CTNNA2: variants seen among roughly 807,000 people sequenced by gnomAD.
CTNNA2 encodes the protein catenin alpha 2.
CTNNA2 carries 42 observed loss-of-function variants against 101.0 expected under a neutral mutation model. The observed-to-expected ratio is 0.42, with a 90% CI of 0.32 to 0.54. The LOEUF is 0.54. CTNNA2 is among the 20% of genes least tolerant of loss of function. The pLI, the probability that CTNNA2 is intolerant of heterozygous loss-of-function variation, is 0.14. For synonymous variants in CTNNA2, 450 were observed against 456.4 expected (o/e 0.99, Z 0.18); for missense variants, 871 against 1,223.1 (o/e 0.71, Z 4.29).
intron 2 of CTNNA2, among the ~76,000 whole-genome samples, chr2:79,287,694 T>G (rs1675648513): frequency 6.6e-6 from 1 of 152,078 alleles, no homozygotes; most frequent in Non-Finnish European, 1.5e-5. Flanking sequence ...GTTACTGCTG[T>G]CTTTTTGTTT....
At chr2:79,238,381 A>G (rs1674583464) in intron 2 of CTNNA2, among the ~76,000 whole-genome samples, 1 of 152,218 alleles carries the variant, frequency 6.6e-6, no homozygotes, top group Admixed American at 6.5e-5. Context: ...ATGAAAGACT[A>G]TTGATCACAG....
intron 3 of CTNNA2, among the ~76,000 whole-genome samples, chr2:79,845,227 T>C (rs1680145524): frequency 6.7e-6 from 1 of 149,660 alleles, no homozygotes; most frequent in African/African-American, 2.5e-5. Context: ...GGCATTTCTC[T>C]ATAGTTGTTC....
At chr2:80,114,212 T>G (rs981931257) in intron 7 of CTNNA2, among the ~76,000 whole-genome samples, 10 of 152,214 alleles carry the variant, frequency 6.6e-5, no homozygotes, top group African/African-American at 2.2e-4. Context: ...CTTGTGTTGC[T>G]TGAAAACTCA....
chr2:79,725,992 G>A (rs1455190890), intron 2 of CTNNA2, among the ~76,000 whole-genome samples: 1 of 152,142 alleles, frequency 6.6e-6, no homozygotes, highest in East Asian at 1.9e-4. Flanking sequence ...CAAATACAGG[G>A]TGTGAGATTG....
chr2:79,620,680 ACC>A (rs1382817572), intron 1 of CTNNA2, among the ~76,000 whole-genome samples: 3 of 152,136 alleles, frequency 2.0e-5, no homozygotes, highest in Non-Finnish European at 4.4e-5. Flanking sequence ...GGTTCTGTTG[ACC>A]CTCAAGAAAA....
intron 9 of CTNNA2, among the ~76,000 whole-genome samples, chr2:80,491,485 T>C (rs925593469): frequency 6.6e-6 from 1 of 152,236 alleles, no homozygotes; most frequent in African/African-American, 2.4e-5. Flanking sequence ...TATGGTTCTT[T>C]AGTTACAATC....
At chr2:79,213,419 A>C (rs1572981493) in intron 2 of CTNNA2, among the ~76,000 whole-genome samples, 1 of 152,310 alleles carries the variant, frequency 6.6e-6, no homozygotes, top group South Asian at 2.1e-4. Flanking sequence ...CAGTATAAAT[A>C]TTGACGTTTA....
At chr2:79,286,417 C>T (rs867144693) in intron 2 of CTNNA2, among the ~76,000 whole-genome samples, 2 of 151,984 alleles carry the variant, frequency 1.3e-5, no homozygotes, top group Non-Finnish European at 2.9e-5. Context: ...ATGTTTAGTG[C>T]TTCCTTCAGG....
chr2:79,558,272 T>C (rs1265992599), intron 1 of CTNNA2, among the ~76,000 whole-genome samples: 1 of 151,938 alleles, frequency 6.6e-6, no homozygotes, highest in Non-Finnish European at 1.5e-5. Flanking sequence ...CAAAAATGAC[T>C]GCATATCTCA....
intron 4 of CTNNA2, among the ~76,000 whole-genome samples, chr2:79,859,091 G>C (rs991965083): frequency 1.3e-5 from 2 of 151,752 alleles, no homozygotes; most frequent in African/African-American, 4.8e-5. Flanking sequence ...CTGAACAATT[G>C]GCACCAACTC....
chr2:79,423,816 G>C (rs1253231768), intron 4 of CTNNA2, among the ~76,000 whole-genome samples: 1 of 152,058 alleles, frequency 6.6e-6, no homozygotes, highest in Non-Finnish European at 1.5e-5. Context: ...TTTAGAATTC[G>C]TTGCCTCTTA....
chr2:80,568,265 C>G (rs2149688865), intron 12 of CTNNA2, among the ~76,000 whole-genome samples: 1 of 152,200 alleles, frequency 6.6e-6, no homozygotes. Context: ...AAATGATGGG[C>G]AGAAAAAGAG....
intron 4 of CTNNA2, among the ~76,000 whole-genome samples, chr2:79,470,157 G>A (rs1670982403): frequency 6.6e-6 from 1 of 152,132 alleles, no homozygotes; most frequent in Non-Finnish European, 1.5e-5. Context: ...CAGAAAAAGT[G>A]AATACACATC....
chr2:80,262,900 TCAA>T (rs1315971207), intron 7 of CTNNA2, among the ~76,000 whole-genome samples: 5 of 150,818 alleles, frequency 3.3e-5, no homozygotes, highest in African/African-American at 1.2e-4. Flanking sequence ...GTCTATTCCA[TCAA>T]CAACAATATT....
intron 7 of CTNNA2, among the ~76,000 whole-genome samples, chr2:80,275,899 C>CTGA (rs1303641018): frequency 6.6e-6 from 1 of 151,970 alleles, no homozygotes; most frequent in East Asian, 1.9e-4. Context: ...AAATTAATAA[C>CTGA]TGATACTTTA....
intron 7 of CTNNA2, among the ~76,000 whole-genome samples, chr2:80,195,820 C>T (rs1477633394): frequency 6.6e-6 from 1 of 152,034 alleles, no homozygotes; most frequent in East Asian, 1.9e-4. Context: ...GTGGCTCACA[C>T]CTGTAATCCC....
intron 1 of CTNNA2, among the ~76,000 whole-genome samples, chr2:79,586,157 G>A (rs1676473100): frequency 6.6e-6 from 1 of 151,918 alleles, no homozygotes; most frequent in Admixed American, 6.6e-5. Context: ...GTCTGCACCG[G>A]GTGCTGAACA....
chr2:80,534,982 T>G (rs1454480052), intron 9 of CTNNA2, among the ~76,000 whole-genome samples: 1 of 152,164 alleles, frequency 6.6e-6, no homozygotes, highest in South Asian at 2.1e-4. Flanking sequence ...ATTCAATAAT[T>G]AAAAAATATT....
At chr2:80,600,488 A>G (rs1263153290) in intron 15 of CTNNA2, among the ~76,000 whole-genome samples, 2 of 152,130 alleles carry the variant, frequency 1.3e-5, no homozygotes, top group Admixed American at 1.3e-4. Flanking sequence ...TGAAGAGCTT[A>G]GATAAGCAAT....
Sources: gnomAD v4.1 joint callset for allele counts (sites outside exome capture counted in the v4.1 genomes callset) on GRCh38, gnomAD v4.1.1 for gene constraint, MANE v1.5 for transcripts, NCBI Gene and HGNC (gene_info 2026-07-23, HGNC 2026-07-21) for gene names.